Variants in CFTR observed in about 807,000 individuals in gnomAD.
CFTR encodes the protein cystic fibrosis transmembrane conductance regulator.
Under a neutral mutation model 171.6 loss-of-function variants are expected in CFTR, and 181 were observed. The ratio of observed to expected loss-of-function variants is 1.05; its 90% confidence interval spans 0.93 to 1.19. The LOEUF is 1.19. Ranked by LOEUF, CFTR falls within the 50% of genes most tolerant of loss-of-function variation. The pLI is 0.00. For missense variants in CFTR, 1,968 were observed against 1,734.7 expected, an observed-to-expected ratio of 1.13 and a Z score of -2.39; for synonymous variants, 583 against 608.0, an observed-to-expected ratio of 0.96 and a Z score of 0.60.
chr7:117,636,906 C>T (rs1584833977), intron 22 of CFTR, among the ~76,000 whole-genome samples: 2 of 151,768 alleles, frequency 1.3e-5, no homozygotes, highest in East Asian at 1.9e-4. Flanking sequence ...CAACCTCTGC[C>T]TCCTGGGTTC....
intron 21 of CFTR, among the ~76,000 whole-genome samples, chr7:117,622,155 G>A (rs1056945983): frequency 6.6e-6 from 1 of 152,130 alleles, no homozygotes; most frequent in African/African-American, 2.4e-5. Flanking sequence ...TAGGTTTATA[G>A]TATAATATAA....
At chr7:117,561,794 A>G (rs1170801201) in intron 11 of CFTR, among the ~76,000 whole-genome samples, 1 of 152,166 alleles carries the variant, frequency 6.6e-6, no homozygotes, top group Non-Finnish European at 1.5e-5. Context: ...AGGCATTTTT[A>G]CAGGAGTAAA....
Position 117,583,642 on chromosome 7 carries a change from C to CT in CFTR, c.1585-4086dup, listed in dbSNP as rs113059446. Among the ~76,000 whole-genome samples, 334 of 148,574 alleles carry CT rather than the reference C, an allele frequency of 2.2e-3. 1 individual carries two copies. The highest frequency in any genetic ancestry group is 6.6e-3 in the African/African-American group (269 of 40,660). On this transcript the variant is annotated intron_variant, in intron 11 of 26. Transcript: ENST00000003084. Reference sequence around the variant, plus strand: ...TTGTACTGCTGTAAACATGAGTGTGCTTTTTTTTTTTCCATATAATGACTT... The same window carrying CT: ...TTGTACTGCTGTAAACATGAGTGTGCTTTTTTTTTTTTCCATATAATGACTT...
chr7:117,548,530 C>T (rs1799204391), intron 9 of CFTR, 111 bp from the exon 10 acceptor site: 9 of 1,534,740 alleles, frequency 5.9e-6, no homozygotes, highest in African/African-American at 2.8e-5. Flanking sequence ...GATCATGGGC[C>T]ATGTGCTTTT....
intron 3 of CFTR, among the ~76,000 whole-genome samples, chr7:117,525,072 C>G (rs1487926384): frequency 6.6e-6 from 1 of 152,098 alleles, no homozygotes; most frequent in African/African-American, 2.4e-5. Context: ...ATATAGCAAA[C>G]AGTTAACATG....
chr7:117,632,318 C>T (rs1792759189), intron 22 of CFTR, among the ~76,000 whole-genome samples: 1 of 152,044 alleles, frequency 6.6e-6, no homozygotes, highest in South Asian at 2.1e-4. Flanking sequence ...TAATCGAGCA[C>T]TTTGAGAGGA....
rs1324073301 is a variant in CFTR at position 117,667,942 on chromosome 7, G to A, written c.*834G>A. The A allele has an allele frequency of 6.6e-6, 1 of 152,298 alleles. No individual in the cohort carries two copies. The highest frequency in any genetic ancestry group is 2.4e-5 in the African/African-American group (1 of 41,438). 9.4% of individuals were successfully genotyped at this position (152,298 alleles called of 1,614,324 possible). ...TCACAGACCTTTGAACTAGAGTTTA[G>A]CTGGAAAAGTATGTTAGTGCAAATT... On this transcript the variant is annotated 3_prime_UTR_variant, in exon 27 of 27. Transcript: ENST00000003084.
chr7:117,606,910 A>T (rs1792309215), intron 18 of CFTR, among the ~76,000 whole-genome samples, 157 bp downstream of exon 18: 1 of 152,180 alleles, frequency 6.6e-6, no homozygotes, highest in African/African-American at 2.4e-5. Flanking sequence ...AAATAGACAT[A>T]AGTTTAGTAA....
intron 22 of CFTR, among the ~76,000 whole-genome samples, chr7:117,637,104 A>T (rs564101131): frequency 1.6e-4 from 24 of 152,238 alleles, no homozygotes; most frequent in Middle Eastern, 3.4e-3. Flanking sequence ...GGTGTGAGCC[A>T]CCATGCCCTG....
intron 3 of CFTR, among the ~76,000 whole-genome samples, chr7:117,516,301 A>T (rs1584779168): frequency 6.6e-6 from 1 of 152,164 alleles, no homozygotes; most frequent in East Asian, 1.9e-4. Context: ...TTATGATCTT[A>T]AGCAAATAAA....
Position 117,627,781 on chromosome 7 carries a change from A to T in CFTR, c.3717+11A>T, listed in dbSNP as rs1308078444. ...AGTCCTGGCCAGAGGGTGAGATTTGAACACTGCTTGCTTTGTTAGACTGTG... is the reference window on the plus strand; with the variant it reads ...AGTCCTGGCCAGAGGGTGAGATTTGTACACTGCTTGCTTTGTTAGACTGTG... On this transcript the variant is annotated intron_variant, in intron 22 of 26. Transcript: ENST00000003084. 2.5e-6 allele frequency: 4 copies of T among 1,608,890 alleles called. No individual in the cohort carries two copies. The South Asian group carries it at 4.4e-5, about 18-fold the overall frequency.
intron 16 of CFTR, among the ~76,000 whole-genome samples, 160 bp downstream of exon 16, chr7:117,603,023 A>G (rs1210491229): frequency 1.3e-5 from 2 of 152,170 alleles, no homozygotes; most frequent in Non-Finnish European, 2.9e-5. Flanking sequence ...GATGACCATT[A>G]GTTGGGTGAG....
chr7:117,529,898 T>C (rs1798831382), intron 3 of CFTR, among the ~76,000 whole-genome samples: 1 of 152,142 alleles, frequency 6.6e-6, no homozygotes, highest in Admixed American at 6.6e-5. Context: ...CCTCTCAGGG[T>C]TACCCTCTGA....
In CFTR at chr7:117,566,580, G is replaced by A. The variant is rs138921640; in HGVS notation, c.1584+6925G>A. ...TTCAAAGTACTGACACTTATTTACT[G>A]TAATATGAAGCAATAACTTAAAAAA... On this transcript the variant is annotated intron_variant, in intron 11 of 26. Coordinates refer to ENST00000003084, the MANE Select transcript of CFTR (RefSeq NM_000492.4). 1.1e-4 allele frequency among the ~76,000 whole-genome samples: 16 copies of A among 149,212 alleles called. No homozygotes were observed. The East Asian group carries it at 3.2e-3, about 30-fold the overall frequency.
intron 19 of CFTR, 117 bp from the exon 20 acceptor site, chr7:117,611,464 A>T (rs1364175754): frequency 2.7e-6 from 2 of 727,984 alleles, no homozygotes; most frequent in African/African-American, 3.5e-5. Flanking sequence ...AAGCTTTTTA[A>T]CCAATGACAT....
At chr7:117,545,528 T>C (rs929627328) in intron 9 of CFTR, among the ~76,000 whole-genome samples, 7 of 152,316 alleles carry the variant, frequency 4.6e-5, no homozygotes, top group Admixed American at 4.6e-4. Flanking sequence ...GTTCATCACT[T>C]CCCAAGCTTC....
chr7:117,610,830 A>G (rs1792374805), intron 19 of CFTR, among the ~76,000 whole-genome samples, 161 bp downstream of exon 19: 1 of 152,238 alleles, frequency 6.6e-6, no homozygotes, highest in Non-Finnish European at 1.5e-5. Flanking sequence ...AGGAAACTAT[A>G]TTACAAAGTA....
chr7:117,493,673 G>T (rs1798195736), intron 1 of CFTR, among the ~76,000 whole-genome samples: 1 of 152,060 alleles, frequency 6.6e-6, no homozygotes, highest in South Asian at 2.1e-4. Flanking sequence ...TCATACAATT[G>T]TGTCTACATA....
chr7:117,586,299 A>T (rs1791933141), intron 11 of CFTR: 1 of 152,142 alleles, frequency 6.6e-6, no homozygotes, highest in Non-Finnish European at 1.5e-5. Flanking sequence ...TCTCATAAGC[A>T]GTGCTTATGG....
Sources: allele counts gnomAD v4.1 joint callset (sites outside exome capture counted in the v4.1 genomes callset), GRCh38; gene constraint gnomAD v4.1.1; transcripts MANE v1.5; gene names NCBI Gene and HGNC (gene_info 2026-07-23, HGNC 2026-07-21).